The following PSMD14 variants were observed in gnomAD, a reference collection of about 807,000 sequenced individuals.
The protein encoded by PSMD14 is ubiquitin C-terminal hydrolase PSMD14.
Under a neutral mutation model 41.2 loss-of-function variants are expected in PSMD14, and 7 were observed. That is an observed-to-expected ratio of 0.17 (90% CI 0.10 to 0.32). The LOEUF (loss-of-function observed/expected upper bound fraction) is 0.32. Ranked by LOEUF, PSMD14 falls within the 10% of genes least tolerant of loss-of-function variation. The pLI is 1.00. For missense variants in PSMD14, 139 were observed against 375.6 expected, an observed-to-expected ratio of 0.37 and a Z score of 5.21; for synonymous variants, 114 against 122.3, an observed-to-expected ratio of 0.93 and a Z score of 0.45.
chr2:161,335,591 T>A (rs1682856982), intron 3 of PSMD14, among the ~76,000 whole-genome samples: 1 of 152,240 alleles, frequency 6.6e-6, no homozygotes, highest in Non-Finnish European at 1.5e-5. Context: ...CCCATTTTTT[T>A]AGACAAACCA....
chr2:161,378,069 A>G (rs1174299966), intron 7 of PSMD14, among the ~76,000 whole-genome samples: 1 of 151,906 alleles, frequency 6.6e-6, no homozygotes, highest in Non-Finnish European at 1.5e-5. Context: ...TTGTGAGGAT[A>G]TTTCTGGACC....
intron 3 of PSMD14, among the ~76,000 whole-genome samples, chr2:161,357,299 A>G (rs1249361189): frequency 1.3e-5 from 2 of 152,124 alleles, no homozygotes; most frequent in Non-Finnish European, 2.9e-5. Flanking sequence ...CCTTTGCAGA[A>G]TTCATAACAG....
intron 3 of PSMD14, among the ~76,000 whole-genome samples, chr2:161,355,685 A>T (rs1169707276): frequency 6.6e-6 from 1 of 152,230 alleles, no homozygotes; most frequent in African/African-American, 2.4e-5. Flanking sequence ...TATCAGAATA[A>T]TAAAACATAA....
chr2:161,348,931 G>T (rs997012803), intron 3 of PSMD14, among the ~76,000 whole-genome samples: 2 of 148,242 alleles, frequency 1.3e-5, no homozygotes, highest in African/African-American at 5.3e-5. Context: ...AAAAACATTT[G>T]TTCCTACTCC....
intron 7 of PSMD14, among the ~76,000 whole-genome samples, chr2:161,373,225 A>T (rs973691388): frequency 1.3e-5 from 2 of 151,870 alleles, no homozygotes; most frequent in Non-Finnish European, 2.9e-5. Flanking sequence ...TTTAGTTTTT[A>T]AAAAATAATA....
chr2:161,357,988 A>C (rs1365919774), intron 3 of PSMD14, among the ~76,000 whole-genome samples: 1 of 151,986 alleles, frequency 6.6e-6, no homozygotes, highest in Non-Finnish European at 1.5e-5. Context: ...TAAGCTGATA[A>C]TTTTAGAACT....
intron 8 of PSMD14, 71 bp from the exon 9 acceptor site, chr2:161,391,033 C>A: frequency 7.6e-7 from 1 of 1,314,104 alleles, no homozygotes; most frequent in Non-Finnish European, 1.0e-6. Context: ...AAGAATATAT[C>A]AACAGTTTCA....
Position 161,388,297 on chromosome 2 carries a change from A to AC in PSMD14, c.570+2727dup, listed in dbSNP as rs145854516. ...AATTACTGAACATATAAGTTATAAAACAATTGCACTAGAAAGGAGCCATTG... is the reference window on the plus strand; with the variant it reads ...AATTACTGAACATATAAGTTATAAAACCAATTGCACTAGAAAGGAGCCATTG... On this transcript the variant is annotated intron_variant, in intron 8 of 11. Coordinates refer to ENST00000409682, the MANE Select transcript of PSMD14 (RefSeq NM_005805.6). 1.7e-3 allele frequency among the ~76,000 whole-genome samples: 263 copies of AC among 152,192 alleles called. 1 individual carries two copies. Among genetic ancestry groups the AC allele is most frequent in the Non-Finnish European group, 3.4e-3 (230 of 67,990 alleles).
chr2:161,385,380 A>G (rs1683620779), intron 7 of PSMD14, 84 bp from the exon 8 acceptor site: 15 of 625,218 alleles, frequency 2.4e-5, no homozygotes. Context: ...AAACAGATGC[A>G]CGTCGATCAT....
chr2:161,341,453 TTC>T (rs1682960366), intron 3 of PSMD14: 1 of 323,894 alleles, frequency 3.1e-6, no homozygotes, highest in Admixed American at 6.4e-5. Flanking sequence ...AAATATATAA[TTC>T]GCAGATATTT....
intron 3 of PSMD14, among the ~76,000 whole-genome samples, chr2:161,347,350 A>T (rs1159619575): frequency 6.6e-6 from 1 of 152,092 alleles, no homozygotes; most frequent in Non-Finnish European, 1.5e-5. Flanking sequence ...AGGTCTTGCT[A>T]TATCAACAGG....
Position 161,371,155 on chromosome 2 carries a change from TG to T in PSMD14, c.312-16del. Reference sequence around the variant, plus strand: ...ACTTGTTCTGTTCTGAGCATCTGAATGCCCTCTTTGTTTCAGGCCGGAGATG... The same window carrying T: ...ACTTGTTCTGTTCTGAGCATCTGAATCCCTCTTTGTTTCAGGCCGGAGATG... On this transcript the variant is annotated splice_polypyrimidine_tract_variant and intron_variant, in intron 6 of 11. Coordinates refer to ENST00000409682, the MANE Select transcript of PSMD14 (RefSeq NM_005805.6). 6.2e-7 allele frequency: 1 copy of T among 1,611,084 alleles called. No homozygotes were observed. The highest frequency in any genetic ancestry group is 8.5e-7 in the Non-Finnish European group (1 of 1,177,944).
intron 10 of PSMD14, chr2:161,408,238 G>A (rs1320042036): frequency 1.3e-5 from 2 of 152,102 alleles, no homozygotes; most frequent in African/African-American, 2.4e-5. Flanking sequence ...CTCATGTGGA[G>A]TAGTTTCAGA....
chr2:161,326,004 T>C (rs562580923), intron 3 of PSMD14, among the ~76,000 whole-genome samples: 3 of 152,328 alleles, frequency 2.0e-5, no homozygotes, highest in African/African-American at 7.2e-5. Flanking sequence ...TTGTACCAAA[T>C]GGATTGAATA....
chr2:161,328,809 A>G (rs1160257264), intron 3 of PSMD14, among the ~76,000 whole-genome samples: 1 of 152,174 alleles, frequency 6.6e-6, no homozygotes, highest in African/African-American at 2.4e-5. Context: ...GAGGGAGGCA[A>G]AAGGAACTTC....
chr2:161,368,909 T>C lies in PSMD14; in HGVS notation c.240+1006T>C, dbSNP rs1002842659. On this transcript the variant is annotated intron_variant, in intron 5 of 11. Transcript: ENST00000409682. ...ACAGAATGCAATATATTTAAAATAA[T>C]GTAAAGTTTTCTCTAAATAGATGAA... is the stretch of plus-strand genomic sequence containing the variant. Among the ~76,000 whole-genome samples the C allele has an allele frequency of 3.3e-5, 5 of 151,982 alleles. No individual in the cohort carries two copies. In the South Asian group the frequency reaches 1.0e-3, roughly 31 times the overall value.
In PSMD14 at chr2:161,316,473, G is replaced by C. The variant is rs1378536264; in HGVS notation, c.-101G>C. 2.0e-5 allele frequency: 3 copies of C among 152,100 alleles called. No individual in the cohort carries two copies. The highest frequency in any genetic ancestry group is 4.4e-5 in the Non-Finnish European group (3 of 67,982). 9.4% of individuals were successfully genotyped at this position (152,100 alleles called of 1,614,324 possible). A position where few individuals can be genotyped will look rare whatever the true frequency, so the allele number is the denominator to read the frequency against. ...AAAATAAAATATACTTGGGGAAGTT[G>C]TACCTGCCAGAATTAGCAAGAGCTT... On this transcript the variant is annotated 5_prime_UTR_variant, in exon 2 of 12. Coordinates refer to ENST00000409682, the MANE Select transcript of PSMD14 (RefSeq NM_005805.6).
At chr2:161,388,953 C>T (rs767696857) in intron 8 of PSMD14, among the ~76,000 whole-genome samples, 17 of 152,096 alleles carry the variant, frequency 1.1e-4, no homozygotes, top group Non-Finnish European at 1.2e-4. Flanking sequence ...ACTGGGGGCA[C>T]ACAGCAGGTG....
rs143406538 is a variant in PSMD14 at position 161,352,888 on chromosome 2, C to T, written c.49-14590C>T. ...CTCCAGGGCCCAGCTTTTATGACTG[C>T]TTAGTGGCTCTAACAGCTGATCACA... On this transcript the variant is annotated intron_variant, in intron 3 of 11. Transcript: ENST00000409682. 2.7e-3 allele frequency among the ~76,000 whole-genome samples: 413 copies of T among 152,300 alleles called. 6 individuals are homozygous for T. The highest frequency in any genetic ancestry group is 9.5e-3 in the African/African-American group (393 of 41,558).
Sources: allele counts gnomAD v4.1 joint callset (sites outside exome capture counted in the v4.1 genomes callset), GRCh38; gene constraint gnomAD v4.1.1; transcripts MANE v1.5; gene names NCBI Gene and HGNC (gene_info 2026-07-23, HGNC 2026-07-21).